CDYL2: variants seen among roughly 807,000 people sequenced by gnomAD.
CDYL2 encodes chromodomain Y-like protein 2.
CDYL2 carries 23 observed loss-of-function variants against 49.4 expected under a neutral mutation model. The ratio of observed to expected loss-of-function variants is 0.47; its 90% CI spans 0.34 to 0.66. The LOEUF (loss-of-function observed/expected upper bound fraction) is 0.66, where lower values mean the gene tolerates loss of function less well. Among genes scored for constraint, CDYL2 ranks in the 30% least tolerant of loss-of-function variants. The pLI, the probability that CDYL2 is intolerant of heterozygous loss-of-function variation, is 0.01. For missense variants in CDYL2, 678 were observed against 656.4 expected (o/e 1.03, Z -0.36); for synonymous variants, 360 against 268.8 (o/e 1.34, Z -3.32).
At chr16:80,770,286 C>T (rs906552314) in intron 1 of CDYL2, among the ~76,000 whole-genome samples, 2 of 152,042 alleles carry the variant, frequency 1.3e-5, no homozygotes, top group South Asian at 4.2e-4. Flanking sequence ...AAACTCTATA[C>T]CTGGATATAT....
chr16:80,703,020 T>A (rs748594692), intron 1 of CDYL2, among the ~76,000 whole-genome samples: 2 of 152,104 alleles, frequency 1.3e-5, no homozygotes, highest in African/African-American at 4.8e-5. Context: ...AGCTCAATCA[T>A]GTGGAATATA....
At chr16:80,739,117 C>G (rs190338226) in intron 1 of CDYL2, among the ~76,000 whole-genome samples, 1 of 152,128 alleles carries the variant, frequency 6.6e-6, no homozygotes, top group Non-Finnish European at 1.5e-5. Context: ...TATGGATGAA[C>G]GCTGAGGACG....
chr16:80,647,318 A>G (rs1908393827), intron 2 of CDYL2, among the ~76,000 whole-genome samples: 1 of 152,184 alleles, frequency 6.6e-6, no homozygotes, highest in African/African-American at 2.4e-5. Context: ...AATCCCTCTC[A>G]AAATACCAAT....
At chr16:80,673,398 A>T (rs961631367) in intron 2 of CDYL2, among the ~76,000 whole-genome samples, 1 of 152,160 alleles carries the variant, frequency 6.6e-6, no homozygotes, top group Non-Finnish European at 1.5e-5. Flanking sequence ...GTTATATCAA[A>T]GTCCACACCA....
chr16:80,768,755 G>T (rs553832095), intron 1 of CDYL2, among the ~76,000 whole-genome samples: 1 of 152,286 alleles, frequency 6.6e-6, no homozygotes, highest in African/African-American at 2.4e-5. Context: ...GAATTAGGTC[G>T]CCTGGGTTCA....
At position 80,758,761 on chromosome 16, in the gene CDYL2, T is replaced by C. The variant is rs190735766; in HGVS notation, c.24+45389A>G. On this transcript the variant is annotated intron_variant, in intron 1 of 6. Coordinates refer to ENST00000570137, the MANE Select transcript of CDYL2 (RefSeq NM_152342.4). ...GTTTCACCGTGTTAGCCAGGATGGT[T>C]TCAATCTCCTGACCTCCTGATCCGC... is the stretch of plus-strand genomic sequence containing the variant. 5.1e-3 allele frequency among the ~76,000 whole-genome samples: 780 copies of C among 151,816 alleles called. 4 individuals are homozygous for C. Among genetic ancestry groups the C allele is most frequent in the Middle Eastern group, 6.8e-3 (2 of 294 alleles).
At chr16:80,625,638 C>T (rs903371336) in intron 3 of CDYL2, among the ~76,000 whole-genome samples, 4 of 152,198 alleles carry the variant, frequency 2.6e-5, no homozygotes, top group African/African-American at 7.2e-5. Flanking sequence ...AATAACAATA[C>T]ACGCAAGCAC....
At chr16:80,796,589 G>A (rs1907774725) in intron 1 of CDYL2, among the ~76,000 whole-genome samples, 1 of 152,048 alleles carries the variant, frequency 6.6e-6, no homozygotes, top group African/African-American at 2.4e-5. Flanking sequence ...ATGTCAGCAG[G>A]GCTTATGGAA....
intron 1 of CDYL2, among the ~76,000 whole-genome samples, chr16:80,712,187 GTGTGTATATATATATATA>G (rs1172772426): frequency 6.8e-4 from 26 of 38,098 alleles, no homozygotes; most frequent in African/African-American, 3.2e-3. Flanking sequence ...TTGTGTCTGT[GTGTGTATATATATATATA>G]TATATATATA....
intron 2 of CDYL2, among the ~76,000 whole-genome samples, chr16:80,642,472 T>C (rs1908142286): frequency 6.6e-6 from 1 of 152,186 alleles, no homozygotes; most frequent in Admixed American, 6.5e-5. Context: ...TAGTTTGTTA[T>C]TGTTTGTTTC....
chr16:80,766,026 C>T (rs1242375617), intron 1 of CDYL2, among the ~76,000 whole-genome samples: 2 of 151,536 alleles, frequency 1.3e-5, no homozygotes, highest in Admixed American at 1.3e-4. Context: ...ATCCAGAATA[C>T]ACAAATCCAT....
rs964900309 is a variant in CDYL2 at position 80,600,752 on chromosome 16, G to A, written c.*3636C>T. The A allele has an allele frequency of 6.6e-6, 1 of 151,676 alleles. No homozygotes were observed. Among genetic ancestry groups the A allele is most frequent in the Non-Finnish European group, 1.5e-5 (1 of 67,966 alleles). 9.4% of individuals were successfully genotyped at this position (151,676 alleles called of 1,614,324 possible). A position where few individuals can be genotyped will look rare whatever the true frequency, so the allele number is the denominator to read the frequency against. Reference sequence around the variant, plus strand: ...AAAAAATTTCCACAGAAACTAGATTGGAAAATTTAATGGATGTGACTAAAT... The same window carrying A: ...AAAAAATTTCCACAGAAACTAGATTAGAAAATTTAATGGATGTGACTAAAT... On this transcript the variant is annotated 3_prime_UTR_variant, in exon 7 of 7. Transcript: ENST00000570137.
chr16:80,675,791 A>T (rs1486521269), intron 2 of CDYL2, among the ~76,000 whole-genome samples: 1 of 152,092 alleles, frequency 6.6e-6, no homozygotes, highest in East Asian at 1.9e-4. Context: ...CTCTACAGAC[A>T]CTGTACCCGC....
At chr16:80,724,506 G>C (rs1335696142) in intron 1 of CDYL2, among the ~76,000 whole-genome samples, 1 of 152,136 alleles carries the variant, frequency 6.6e-6, no homozygotes. Flanking sequence ...CCTTGTCATA[G>C]TTCATGAAGA....
At chr16:80,698,250 G>C in intron 1 of CDYL2, among the ~76,000 whole-genome samples, 1 of 152,080 alleles carries the variant, frequency 6.6e-6, no homozygotes, top group East Asian at 1.9e-4. Flanking sequence ...AGCAAAAACA[G>C]ACAGGATTAT....
intron 1 of CDYL2, among the ~76,000 whole-genome samples, chr16:80,744,713 A>G (rs1905865142): frequency 1.3e-5 from 2 of 152,170 alleles, no homozygotes. Flanking sequence ...CCACCAAACT[A>G]AGGTTTTAGT....
At chr16:80,723,854 G>C (rs949050969) in intron 1 of CDYL2, among the ~76,000 whole-genome samples, 18 of 151,680 alleles carry the variant, frequency 1.2e-4, no homozygotes, top group East Asian at 5.8e-4. Context: ...GGAGAGTGAG[G>C]AACAGGAGAA....
chr16:80,778,046 G>A (rs150678364), intron 1 of CDYL2, among the ~76,000 whole-genome samples: 28 of 152,072 alleles, frequency 1.8e-4, no homozygotes, highest in Middle Eastern at 3.4e-3. Context: ...TATATCTAGT[G>A]ATAATGGGGA....
intron 1 of CDYL2, among the ~76,000 whole-genome samples, chr16:80,745,068 G>A (rs1216358522): frequency 6.6e-6 from 1 of 152,192 alleles, no homozygotes; most frequent in Non-Finnish European, 1.5e-5. Flanking sequence ...CTCCATCGAG[G>A]AAGTGCATTC....
Sources: gnomAD v4.1 joint callset for allele counts (sites outside exome capture counted in the v4.1 genomes callset) on GRCh38, gnomAD v4.1.1 for gene constraint, MANE v1.5 for transcripts, NCBI Gene and HGNC (gene_info 2026-07-23, HGNC 2026-07-21) for gene names.